ANKRD24: variants seen among roughly 807,000 people sequenced by gnomAD.
ANKRD24 encodes ankyrin repeat domain 24.
A neutral mutation model predicts 127.8 loss-of-function variants in ANKRD24; 109 were observed. The ratio of observed to expected loss-of-function variants is 0.85; its 90% CI spans 0.73 to 1.00. The LOEUF (loss-of-function observed/expected upper bound fraction) is 1.00, where lower values mean the gene tolerates loss of function less well. ANKRD24 is among the 50% of genes least tolerant of loss of function. The pLI is 0.00. For synonymous variants in ANKRD24, 743 were observed against 671.1 expected (o/e 1.11, Z -1.66); for missense variants, 1,648 against 1,570.2 (o/e 1.05, Z -0.84).
Position 4,217,881 on chromosome 19 carries a change from G to T in ANKRD24, c.2721G>T (p.Glu907Asp). ...TGGCCGAGCTGCGGGAGGCCTCCGA[G>T]GCCCTCCGCCAGTCCGTGGTGCCGG... is the stretch of plus-strand genomic sequence containing the variant. ...QGLAELREAS[E>D]ALRQSVVPAS... Residue 907 changes from glutamate to aspartate, a missense_variant, in exon 18 of 22, where the codon GAG becomes GAT. Coordinates refer to ENST00000318934, the MANE Select transcript of ANKRD24 (RefSeq NM_001393985.1). The T allele has an allele frequency of 6.8e-7, 1 of 1,467,676 alleles. No individual in the cohort carries two copies. The highest frequency in any genetic ancestry group is 9.0e-7 in the Non-Finnish European group (1 of 1,116,994). 90.9% of individuals were successfully genotyped at this position (1,467,676 alleles called of 1,614,324 possible).
intron 19 of ANKRD24, among the ~76,000 whole-genome samples, chr19:4,220,410 C>G (rs1475430919): frequency 6.6e-6 from 1 of 152,184 alleles, no homozygotes; most frequent in African/African-American, 2.4e-5. Context: ...GGTGAAGTCA[C>G]TTGCCTAAGG....
At chr19:4,183,318 C>T (rs1252771740) in intron 1 of ANKRD24, 2 of 986,270 alleles carry the variant, frequency 2.0e-6, no homozygotes, top group Non-Finnish European at 2.4e-6. Context: ...GTTCTGCATT[C>T]TGCAGGACAG....
intron 15 of ANKRD24, among the ~76,000 whole-genome samples, chr19:4,215,761 T>A (rs1369320703): frequency 3.4e-5 from 4 of 117,866 alleles, no homozygotes; most frequent in African/African-American, 1.4e-4. Context: ...GGTGACAGAG[T>A]AAGACCCTGG....
chr19:4,190,196 A>G (rs352497), intron 2 of ANKRD24, among the ~76,000 whole-genome samples: 15,109 of 150,158 alleles, frequency 0.1, 733 homozygotes, highest in Middle Eastern at 0.13. Context: ...AGCACTTTGG[A>G]AGGCCGAGGT....
chr19:4,195,707 C>T lies in ANKRD24; in HGVS notation c.37-3976C>T, dbSNP rs867940301. On this transcript the variant is annotated intron_variant, in intron 2 of 21. Coordinates refer to ENST00000318934, the MANE Select transcript of ANKRD24 (RefSeq NM_001393985.1). This position sits in a 1 kb window ranked among gnomAD's most constrained non-coding sequence, Gnocchi z 4.2. ...GGTCAGAGTTCAAGACCAGCCTGGC[C>T]AACATGACAAAACCCCGTCTCTACT... is the stretch of plus-strand genomic sequence containing the variant. Among the ~76,000 whole-genome samples, 1 of 152,062 alleles carries T rather than the reference C, an allele frequency of 6.6e-6. No individual in the cohort carries two copies. The highest frequency in any genetic ancestry group is 1.5e-5 in the Non-Finnish European group (1 of 68,002).
rs1970190076 is a variant in ANKRD24 at position 4,217,675 on chromosome 19, C to T, written c.2515C>T (p.Arg839Trp). The T allele has an allele frequency of 7.0e-6, 9 of 1,284,270 alleles. No individual in the cohort carries two copies. The highest frequency in any genetic ancestry group is 2.4e-5 in the South Asian group (1 of 42,262). 79.6% of individuals were successfully genotyped at this position (1,284,270 alleles called of 1,614,324 possible). The change falls in exon 18 of 22, where the codon CGG becomes TGG. Residue 839 changes from arginine to tryptophan, a missense_variant. Arg to Trp is a moderately radical substitution (Grantham distance 101). Coordinates refer to ENST00000318934, the MANE Select transcript of ANKRD24 (RefSeq NM_001393985.1). Reference sequence around the variant, plus strand: ...GGGCCTGCGGGCCGAGCTGGCCCAGCGGGAGGAGGCGCGGCTGGAGCAGAG... The same window carrying T: ...GGGCCTGCGGGCCGAGCTGGCCCAGTGGGAGGAGGCGCGGCTGGAGCAGAG... The part of the protein sequence containing the change: ...ARGLRAELAQ[R>W]EEARLEQSRE...
chr19:4,219,459 C>T, intron 18 of ANKRD24, 132 bp from the exon 19 acceptor site: 1 of 1,021,402 alleles, frequency 9.8e-7, no homozygotes. Flanking sequence ...AGGTCCGGAG[C>T]AACAGAGCAA....
chr19:4,186,541 C>G, intron 2 of ANKRD24, 80 bp downstream of exon 2: 1 of 1,473,702 alleles, frequency 6.8e-7, no homozygotes, highest in Admixed American at 2.0e-5. Context: ...GAAGATCCAC[C>G]CTTTCATTCC....
rs967629717 is a variant in ANKRD24, at chr19:4,195,791, A to G, written c.37-3892A>G. 4.6e-5 allele frequency among the ~76,000 whole-genome samples: 7 copies of G among 152,160 alleles called. No homozygotes were observed. The highest frequency in any genetic ancestry group is 7.3e-5 in the Non-Finnish European group (5 of 68,030). ...TGCCTGTAATCCCAGCTACTCGGGA[A>G]GCTGAAGCAGGAGAATTGCTTGAAC... On this transcript the variant is annotated intron_variant, in intron 2 of 21. Transcript: ENST00000318934. This position sits in a 1 kb window ranked among gnomAD's most constrained non-coding sequence, Gnocchi z 4.2.
chr19:4,183,307 G>T lies in ANKRD24; in HGVS notation c.-37+567G>T, dbSNP rs1482951637. On this transcript the variant is annotated intron_variant, in intron 1 of 21. Coordinates refer to ENST00000318934, the MANE Select transcript of ANKRD24 (RefSeq NM_001393985.1). ...GTTATCTGAGTATCATCCAACTGGAGGTTCTGCATTCTGCAGGACAGGTCC... is the reference window on the plus strand; with the variant it reads ...GTTATCTGAGTATCATCCAACTGGATGTTCTGCATTCTGCAGGACAGGTCC... 8.1e-6 allele frequency: 8 copies of T among 986,224 alleles called. No individual in the cohort carries two copies. The East Asian group carries it at 7.9e-4, about 98-fold the overall frequency. The allele number at this position is 986,224 out of a possible 1,614,324, so 61.1% of individuals were successfully genotyped here. A position where few individuals can be genotyped will look rare whatever the true frequency, so the allele number is the denominator to read the frequency against.
intron 2 of ANKRD24, among the ~76,000 whole-genome samples, chr19:4,196,358 T>TTG (rs1968737523): frequency 8.6e-6 from 1 of 115,632 alleles, no homozygotes; most frequent in African/African-American, 3.1e-5. Flanking sequence ...TGTTGTTGTT[T>TTG]TAGTTTGTTT....
Position 4,216,776 on chromosome 19 carries a change from A to C in ANKRD24, c.1616A>C (p.Asn539Thr). The C allele has an allele frequency of 6.3e-7, 1 of 1,595,546 alleles. No individual in the cohort carries two copies. Among genetic ancestry groups the C allele is most frequent in the Non-Finnish European group, 8.5e-7 (1 of 1,171,670 alleles). Residue 539 changes from asparagine to threonine, a missense_variant, in exon 18 of 22, where the codon AAC (asparagine) becomes ACC (threonine). Physicochemically the swap from Asn to Thr is moderately conservative, Grantham distance 65 (BLOSUM62 0). Transcript: ENST00000318934. ...SEVAGATATK[N>T]GPTHMELNGS... ...GTTGCTGGAGCCACGGCCACCAAAA[A>C]CGGGCCAACCCACATGGAGCTAAAT...
At chr19:4,218,187 G>T in intron 18 of ANKRD24, 24 bp downstream of exon 18, 1 of 1,428,156 alleles carries the variant, frequency 7.0e-7, no homozygotes, top group Non-Finnish European at 9.2e-7. Flanking sequence ...GTCACCACCC[G>T]GGCCCCACCC....
chr19:4,208,455 G>T (rs564963823), intron 10 of ANKRD24, among the ~76,000 whole-genome samples: 1 of 152,156 alleles, frequency 6.6e-6, no homozygotes, highest in Non-Finnish European at 1.5e-5. Flanking sequence ...GCTAATTTTT[G>T]TATTTTTAGT....
intron 13 of ANKRD24, among the ~76,000 whole-genome samples, chr19:4,210,875 C>T (rs62129275): frequency 0.17 from 25,612 of 150,666 alleles, 2,521 homozygotes; most frequent in East Asian, 0.34. Context: ...CTCTTGTTGC[C>T]CAGGCTAGAA....
In ANKRD24 at chr19:4,217,308, G is replaced by C; in HGVS notation, c.2148G>C (p.Glu716Asp). Reference sequence around the variant, plus strand: ...CCATCCTACATCCTGGTGCCGCAGAGGCCTCGGAAAAGCTTCAAGTAGAGC... The same window carrying C: ...CCATCCTACATCCTGGTGCCGCAGACGCCTCGGAAAAGCTTCAAGTAGAGC... ...AGPILHPGAA[E>D]ASEKLQVELE... The change falls in exon 18 of 22, where the codon GAG (glutamate) becomes GAC (aspartate). Residue 716 changes from glutamate (E) to aspartate (D), a missense_variant. Coordinates refer to ENST00000318934, the MANE Select transcript of ANKRD24 (RefSeq NM_001393985.1). The C allele has an allele frequency of 1.3e-6, 2 of 1,553,072 alleles. No individual in the cohort carries two copies. The highest frequency in any genetic ancestry group is 1.7e-6 in the Non-Finnish European group (2 of 1,147,918).
At chr19:4,182,807 T>G (rs1019776277) in intron 1 of ANKRD24, 67 bp downstream of exon 1, 27 of 930,576 alleles carry the variant, frequency 2.9e-5, no homozygotes, top group Non-Finnish European at 3.2e-5. Flanking sequence ...GCCGCCTACG[T>G]GAGAGTTCTC....
chr19:4,182,721 G>C lies in ANKRD24; in HGVS notation c.-56G>C, dbSNP rs1257037270. On this transcript the variant is annotated 5_prime_UTR_variant, in exon 1 of 22. Transcript: ENST00000318934. ...ACATGTTATCTGCTGTCAGAAGGAA[G>C]CCTGCCTCTTTGCATGCAGGTGTTT... 8.5e-6 allele frequency: 12 copies of C among 1,404,250 alleles called. No individual in the cohort carries two copies. Among genetic ancestry groups the C allele is most frequent in the Non-Finnish European group, 9.3e-6 (10 of 1,077,486 alleles). The allele number at this position is 1,404,250 out of a possible 1,614,324, so 87.0% of individuals were successfully genotyped here.
At chr19:4,208,833 C>T (rs1488809123) in intron 11 of ANKRD24, 32 bp downstream of exon 11, 2 of 1,606,536 alleles carry the variant, frequency 1.2e-6, no homozygotes, top group Non-Finnish European at 1.7e-6. Context: ...AGGAGCCCCT[C>T]CTCCCTGCAT....
Sources: allele counts gnomAD v4.1 joint callset (sites outside exome capture counted in the v4.1 genomes callset), GRCh38; gene constraint gnomAD v4.1.1; non-coding constraint Gnocchi (gnomAD v3.1); transcripts MANE v1.5; gene names NCBI Gene and HGNC (gene_info 2026-07-23, HGNC 2026-07-21).